LRBA: variants seen among roughly 807,000 people sequenced by gnomAD.
LRBA encodes LPS responsive beige-like anchor protein, also known as lipopolysaccharide-responsive and beige-like anchor protein.
LRBA carries 176 observed loss-of-function variants against 330.0 expected under a neutral mutation model. The observed-to-expected ratio is 0.53, with a 90% CI of 0.47 to 0.60. The LOEUF (loss-of-function observed/expected upper bound fraction) is 0.60, where lower values mean the gene tolerates loss of function less well. Ranked by LOEUF, LRBA falls within the 20% of genes least tolerant of loss-of-function variation. The probability of loss-of-function intolerance (pLI) is 0.00; values close to 1 mark genes in which losing one functional copy is unlikely to be tolerated. For missense variants in LRBA, 3,259 were observed against 3,444.8 expected (o/e 0.95, Z 1.35); for synonymous variants, 1,230 against 1,193.0 (o/e 1.03, Z -0.64).
At chr4:150,807,708 C>T (rs1458798563) in intron 32 of LRBA, among the ~76,000 whole-genome samples, 1 of 151,956 alleles carries the variant, frequency 6.6e-6, no homozygotes, top group South Asian at 2.1e-4. Flanking sequence ...TGCAGTGGTG[C>T]GATCTCGGCT....
chr4:150,423,324 G>A (rs541250364), intron 46 of LRBA: 5 of 730,580 alleles, frequency 6.8e-6, no homozygotes, highest in African/African-American at 1.8e-5. Context: ...CCTGGGGGAC[G>A]AGCTCTGCGG....
chr4:150,453,869 C>T (rs1004229715), intron 44 of LRBA, among the ~76,000 whole-genome samples: 36 of 152,238 alleles, frequency 2.4e-4, no homozygotes, highest in South Asian at 1.0e-3. Context: ...TTTTCCTGTA[C>T]GAAAAATTCA....
intron 44 of LRBA, among the ~76,000 whole-genome samples, chr4:150,458,144 A>C (rs993010142): frequency 1.3e-5 from 2 of 151,930 alleles, no homozygotes; most frequent in Non-Finnish European, 2.9e-5. Flanking sequence ...TTCTATTAGA[A>C]GATAACTTCT....
intron 46 of LRBA, among the ~76,000 whole-genome samples, chr4:150,435,179 T>C (rs886804959): frequency 2.0e-5 from 3 of 151,570 alleles, no homozygotes; most frequent in Non-Finnish European, 4.4e-5. Context: ...ACCCCATCTC[T>C]ACTAAAAAAA....
At chr4:150,373,172 TGAGAGAGA>T (rs902421554) in intron 47 of LRBA, among the ~76,000 whole-genome samples, 2 of 97,458 alleles carry the variant, frequency 2.1e-5, no homozygotes, top group African/African-American at 8.8e-5. Context: ...TGTGTGTGTG[TGAGAGAGA>T]GAGAGAGAGA....
At chr4:150,339,221 T>C (rs180912462) in intron 48 of LRBA, among the ~76,000 whole-genome samples, 3 of 152,260 alleles carry the variant, frequency 2.0e-5, no homozygotes, top group Admixed American at 1.3e-4. Context: ...AAATAACATA[T>C]ATAGAAAATT....
In LRBA at chr4:150,828,428, T is replaced by C; in HGVS notation, c.4923A>G (p.Leu1641=). The C allele has an allele frequency of 1.2e-6, 2 of 1,614,186 alleles. No homozygotes were observed. The highest frequency in any genetic ancestry group is 1.7e-6 in the Non-Finnish European group (2 of 1,180,024). The change falls in exon 30 of 57, where the codon CTA becomes CTG. Residue 1641 remains leucine (L), a synonymous_variant. Coordinates refer to ENST00000651943, the MANE Select transcript of LRBA (RefSeq NM_001364905.1). ...TATTGACTTCTAAAGAAAGAGTAGA[T>C]AGCACCTCGCTGATTGCATCTGGGC... ...SAGPDAISEV[L]STLSLEVNKS... is the part of the protein sequence containing the mutation.
intron 48 of LRBA, among the ~76,000 whole-genome samples, chr4:150,346,164 T>C (rs1488527354): frequency 6.6e-6 from 1 of 152,174 alleles, no homozygotes; most frequent in African/African-American, 2.4e-5. Context: ...GTATTTATTT[T>C]AATAGTGCTA....
chr4:150,554,919 A>G (rs1767099788), intron 40 of LRBA, among the ~76,000 whole-genome samples: 2 of 152,202 alleles, frequency 1.3e-5, no homozygotes, highest in African/African-American at 4.8e-5. Flanking sequence ...AAATAGTTAC[A>G]TATTCATTCA....
At chr4:150,418,176 C>T (rs965970482) in intron 46 of LRBA, among the ~76,000 whole-genome samples, 3 of 151,964 alleles carry the variant, frequency 2.0e-5, no homozygotes, top group Non-Finnish European at 2.9e-5. Context: ...CACTACCATG[C>T]CTGGCTAATT....
chr4:150,500,596 A>AAATG, intron 40 of LRBA, among the ~76,000 whole-genome samples: 1 of 152,238 alleles, frequency 6.6e-6, no homozygotes, highest in East Asian at 1.9e-4. Context: ...ATAAATAAAT[A>AAATG]AATAATCCCC....
intron 22 of LRBA, among the ~76,000 whole-genome samples, chr4:150,865,495 A>T (rs1348999301): frequency 6.6e-6 from 1 of 152,190 alleles, no homozygotes; most frequent in East Asian, 1.9e-4. Flanking sequence ...AACAAAACTG[A>T]TCAACCTCAA....
At position 150,828,591 on chromosome 4, in the gene LRBA, G is replaced by A. The variant is rs1312303257; in HGVS notation, c.4760C>T (p.Thr1587Ile). Residue 1587 changes from threonine (T) to isoleucine (I), a missense_variant, in exon 30 of 57, where the codon ACT (threonine) becomes ATT (isoleucine). Transcript: ENST00000651943. ...TTCAGATTCTTCCACTGATGCCGTA[G>A]TTAAAGTGCTGAATGCTGCTGGTGT... ...EITPAAFSTL[T>I]TASVEESEST... The A allele has an allele frequency of 1.9e-6, 3 of 1,613,798 alleles. No homozygotes were observed. Among genetic ancestry groups the A allele is most frequent in the Non-Finnish European group, 1.7e-6 (2 of 1,179,936 alleles).
intron 2 of LRBA, among the ~76,000 whole-genome samples, chr4:150,961,370 T>C (rs1738127209): frequency 6.7e-6 from 1 of 149,166 alleles, no homozygotes; most frequent in Non-Finnish European, 1.5e-5. Flanking sequence ...ACCTTATGCA[T>C]AAGAGCTAAA....
intron 41 of LRBA, 53 bp downstream of exon 41, chr4:150,490,865 T>C: frequency 3.9e-6 from 4 of 1,029,374 alleles, no homozygotes; most frequent in South Asian, 3.4e-5. Flanking sequence ...AAAAATGAAA[T>C]CTTAAAGAGA....
chr4:150,306,399 A>G (rs1190447769), intron 52 of LRBA, among the ~76,000 whole-genome samples: 1 of 152,184 alleles, frequency 6.6e-6, no homozygotes, highest in African/African-American at 2.4e-5. Context: ...AAGAAAAAAT[A>G]TTTAATATTC....
chr4:150,419,436 G>C (rs540308638), intron 46 of LRBA, among the ~76,000 whole-genome samples: 1 of 152,128 alleles, frequency 6.6e-6, no homozygotes, highest in African/African-American at 2.4e-5. Context: ...ACACAAGCCT[G>C]GACTCTCATT....
rs117167040 is a variant in LRBA, at chr4:150,764,298, G to A, written c.5581-2451C>T. Among the ~76,000 whole-genome samples the A allele has an allele frequency of 8.9e-4, 136 of 152,028 alleles. 1 individual carries two copies. Among genetic ancestry groups the A allele is most frequent in the Admixed American group, 5.8e-3 (89 of 15,256 alleles). ...CACCACTATCTTTCAACATCATTCT[G>A]GAAGTCCTGGCTAATGCAGTAAGAC... On this transcript the variant is annotated intron_variant, in intron 34 of 56. Transcript: ENST00000651943.
At chr4:150,492,359 A>T (rs1759069328) in intron 40 of LRBA, among the ~76,000 whole-genome samples, 1 of 152,200 alleles carries the variant, frequency 6.6e-6, no homozygotes, top group Non-Finnish European at 1.5e-5. Flanking sequence ...TCATGCGTGC[A>T]GTTTTGAAAT....
Sources: gnomAD v4.1 joint callset for allele counts (sites outside exome capture counted in the v4.1 genomes callset) on GRCh38, gnomAD v4.1.1 for gene constraint, MANE v1.5 for transcripts, NCBI Gene and HGNC (gene_info 2026-07-23, HGNC 2026-07-21) for gene names.